CRAMP1: variants seen among roughly 807,000 people sequenced by gnomAD.
CRAMP1 encodes protein cramped-like.
A neutral mutation model predicts 115.4 loss-of-function variants in CRAMP1; 50 were observed. That is an observed-to-expected ratio of 0.43 (90% CI 0.35 to 0.55). The LOEUF is 0.55. Ranked by LOEUF, CRAMP1 falls within the 20% of genes least tolerant of loss-of-function variation. CRAMP1 has a pLI of 0.01. For missense variants in CRAMP1, 1,679 were observed against 1,721.7 expected, an observed-to-expected ratio of 0.98 and a Z score of 0.44; for synonymous variants, 866 against 745.4, an observed-to-expected ratio of 1.16 and a Z score of -2.64.
rs574984598 is a variant in CRAMP1, at chr16:1,666,558, T to C, written c.2994T>C (p.Ser998=). The C allele has an allele frequency of 1.2e-6, 2 of 1,613,980 alleles. No individual in the cohort carries two copies. The highest frequency in any genetic ancestry group is 1.7e-6 in the Non-Finnish European group (2 of 1,179,874). ...CGGGTGCCATCTCGGGGCAGGACTC[T>C]ACTGGAACTCACCAGGATGGAGACA... ...EVTGAISGQD[S]TGTHQDGDTL... The change falls in exon 16 of 21, where the codon TCT becomes TCC. Residue 998 remains serine (S), a synonymous_variant. Transcript: ENST00000397412. The surrounding 1 kb of genome is among the most constrained non-coding windows in gnomAD (Gnocchi z 5.0).
intron 4 of CRAMP1, among the ~76,000 whole-genome samples, chr16:1,633,001 C>A (rs2036558902): frequency 6.6e-6 from 1 of 152,228 alleles, no homozygotes; most frequent in African/African-American, 2.4e-5. Flanking sequence ...CGCACCTGTG[C>A]TGGGCCCTGC....
rs2036770798 is a variant in CRAMP1, at chr16:1,656,171, G to T, written c.1414G>T (p.Gly472Cys). 1.2e-6 allele frequency: 2 copies of T among 1,604,576 alleles called. No homozygotes were observed. Among genetic ancestry groups the T allele is most frequent in the East Asian group, 4.5e-5 (2 of 44,726 alleles). Residue 472 changes from glycine to cysteine, a missense_variant, in exon 10 of 21, where the codon GGT (glycine) becomes TGT (cysteine). Gly to Cys is a radical substitution (Grantham distance 159). Coordinates refer to ENST00000397412, the MANE Select transcript of CRAMP1 (RefSeq NM_020825.4). The surrounding 1 kb of genome is among the most constrained non-coding windows in gnomAD (Gnocchi z 5.6). ...KCPRSGAEGK[G>C]VGRPPPAADA... ...CCCGCGGAGCGGAGCTGAGGGCAAG[G>T]GTGTGGGGCGGCCCCCTCCTGCGGC...
chr16:1,657,773 C>T (rs138687004), intron 10 of CRAMP1, among the ~76,000 whole-genome samples: 44 of 152,252 alleles, frequency 2.9e-4, no homozygotes, highest in Non-Finnish European at 5.4e-4. Flanking sequence ...GCCCCAAGTC[C>T]GATAGGATCT....
intron 20 of CRAMP1, 37 bp downstream of exon 20, chr16:1,670,846 A>G: frequency 6.2e-7 from 1 of 1,606,708 alleles, no homozygotes; most frequent in East Asian, 2.2e-5. Context: ...CCTGACCACC[A>G]ACCCTCGTGC....
At position 1,666,334 on chromosome 16, in the gene CRAMP1, C is replaced by A; in HGVS notation, c.2858-88C>A. 7.5e-7 allele frequency: 1 copy of A among 1,326,204 alleles called. No individual in the cohort carries two copies. Among genetic ancestry groups the A allele is most frequent in the Non-Finnish European group, 1.1e-6 (1 of 948,782 alleles). 82.2% of individuals were successfully genotyped at this position (1,326,204 alleles called of 1,614,324 possible). ...TTGGCTCTTGCATTGACATGAGGTG[C>A]GAGGGAGAAGCTGTTCCCCGAGCCC... On this transcript the variant is annotated intron_variant, in intron 15 of 20. Coordinates refer to ENST00000397412, the MANE Select transcript of CRAMP1 (RefSeq NM_020825.4). The surrounding 1 kb of genome is among the most constrained non-coding windows in gnomAD (Gnocchi z 5.0).
intron 10 of CRAMP1, 115 bp from the exon 11 acceptor site, chr16:1,659,771 C>A: frequency 2.9e-6 from 3 of 1,032,252 alleles, no homozygotes; most frequent in Non-Finnish European, 4.4e-6. Flanking sequence ...CCTTTGCCGT[C>A]ATGACACTGT....
intron 19 of CRAMP1, among the ~76,000 whole-genome samples, chr16:1,670,313 G>A (rs916525819): frequency 8.9e-5 from 13 of 145,868 alleles, no homozygotes; most frequent in African/African-American, 3.3e-4. Context: ...ACTAGTCACA[G>A]AGAAGAAAGT....
At chr16:1,630,729 ATGTT>A (rs547261685) in intron 3 of CRAMP1, among the ~76,000 whole-genome samples, 51 of 152,198 alleles carry the variant, frequency 3.4e-4, no homozygotes, top group African/African-American at 1.1e-3. Context: ...TTTTGTTTGC[ATGTT>A]TTTTTGTCGT....
intron 3 of CRAMP1, among the ~76,000 whole-genome samples, chr16:1,630,190 C>T (rs1430625050): frequency 6.6e-6 from 1 of 152,134 alleles, no homozygotes; most frequent in Non-Finnish European, 1.5e-5. Flanking sequence ...GCTTTGTCAC[C>T]TAGGCTGGAG....
rs755456226 is a variant in CRAMP1 at position 1,614,691 on chromosome 16, C to G, written c.52C>G (p.Leu18Val). The change falls in exon 2 of 21, where the codon CTG (leucine) becomes GTG (valine). Residue 18 changes from leucine to valine, a missense_variant. By Grantham distance (32) the Leu-to-Val change is conservative. Transcript: ENST00000397412. This position sits in a 1 kb window ranked among gnomAD's most constrained non-coding sequence, Gnocchi z 4.4. Reference sequence around the variant, plus strand: ...CAGCGGGGAGGACGGGCTCAAGAAGCTGGGCAAGCGGGCGGCCGATGAGGA... The same window carrying G: ...CAGCGGGGAGGACGGGCTCAAGAAGGTGGGCAAGCGGGCGGCCGATGAGGA... Reference protein sequence around the residue: ...GGSGEDGLKKLGKRAADEESL... With the variant: ...GGSGEDGLKKVGKRAADEESL... 2 of 1,325,200 alleles carry G rather than the reference C, an allele frequency of 1.5e-6. No individual in the cohort carries two copies. The highest frequency in any genetic ancestry group is 1.9e-6 in the Non-Finnish European group (2 of 1,030,822). 82.1% of individuals were successfully genotyped at this position (1,325,200 alleles called of 1,614,324 possible).
chr16:1,640,126 C>T (rs752892548), intron 5 of CRAMP1, among the ~76,000 whole-genome samples: 1 of 152,194 alleles, frequency 6.6e-6, no homozygotes, highest in Non-Finnish European at 1.5e-5. Flanking sequence ...CCTGAAGTTC[C>T]GTTTCCATCT....
At position 1,652,479 on chromosome 16, in the gene CRAMP1, C is replaced by A. The variant is rs780122743; in HGVS notation, c.828-17C>A. 13 of 1,550,250 alleles carry A rather than the reference C, an allele frequency of 8.4e-6. No homozygotes were observed. Among genetic ancestry groups the A allele is most frequent in the Non-Finnish European group, 1.1e-5 (13 of 1,145,786 alleles). On this transcript the variant is annotated splice_polypyrimidine_tract_variant and intron_variant, in intron 6 of 20. Coordinates refer to ENST00000397412, the MANE Select transcript of CRAMP1 (RefSeq NM_020825.4). ...TCACTCACAGGCCTCAGCGTTCCTT[C>A]AAAACTCTTTTCCCAGGGCCACCAC...
intron 4 of CRAMP1, 22 bp downstream of exon 4, chr16:1,632,387 C>T (rs754949750): frequency 1.8e-5 from 28 of 1,567,634 alleles, no homozygotes; most frequent in South Asian, 4.7e-5. Context: ...ACGGGCCAGG[C>T]TCGGGGGTGC....
chr16:1,652,364 C>T lies in CRAMP1; in HGVS notation c.828-132C>T, dbSNP rs536362683. The T allele has an allele frequency of 1.4e-3, 984 of 680,904 alleles. 4 individuals carry two copies. The highest frequency in any genetic ancestry group is 2.1e-3 in the Non-Finnish European group (835 of 394,804). 42.2% of individuals were successfully genotyped at this position (680,904 alleles called of 1,614,324 possible). ...CACTGTGTCCTCCCACTGTCCTACG[C>T]GGGCTCGAGAGGCTGGGGTGGATGC... On this transcript the variant is annotated intron_variant, in intron 6 of 20. Transcript: ENST00000397412.
In CRAMP1 at chr16:1,656,441, C is replaced by T. The variant is rs757274453; in HGVS notation, c.1684C>T (p.Pro562Ser). The change falls in exon 10 of 21, where the codon CCC (proline) becomes TCC (serine). Residue 562 changes from proline (P) to serine (S), a missense_variant. Physicochemically the swap from Pro to Ser is moderately conservative, Grantham distance 74. Coordinates refer to ENST00000397412, the MANE Select transcript of CRAMP1 (RefSeq NM_020825.4). The surrounding 1 kb of genome is among the most constrained non-coding windows in gnomAD (Gnocchi z 5.6). ...CGAGCTCTCGCTTCTAGACCCCTTG[C>T]CCCGCTACCTAAAGTCCTGTCAGGA... ...EDELSLLDPL[P>S]RYLKSCQDLI... is the part of the protein sequence containing the mutation. 6.3e-7 allele frequency: 1 copy of T among 1,584,702 alleles called. No individual in the cohort carries two copies. The highest frequency in any genetic ancestry group is 8.6e-7 in the Non-Finnish European group (1 of 1,166,026).
Position 1,652,505 on chromosome 16 carries a change from T to C in CRAMP1, c.837T>C (p.Thr279=). Reference sequence around the variant, plus strand: ...AAAACTCTTTTCCCAGGGCCACCACTGTACGTTACAAAGGGCGGAACCTGC... The same window carrying C: ...AAAACTCTTTTCCCAGGGCCACCACCGTACGTTACAAAGGGCGGAACCTGC... The part of the protein sequence containing the change: ...LNELIQVGAT[T]VRYKGRNLRI... The change falls in exon 7 of 21, where the codon ACT becomes ACC. Residue 279 remains threonine, a synonymous_variant. Transcript: ENST00000397412. 6 of 1,552,118 alleles carry C rather than the reference T, an allele frequency of 3.9e-6. No individual in the cohort carries two copies. Among genetic ancestry groups the C allele is most frequent in the Non-Finnish European group, 5.2e-6 (6 of 1,147,148 alleles).
intron 2 of CRAMP1, among the ~76,000 whole-genome samples, chr16:1,621,607 T>C (rs935169291): frequency 5.3e-5 from 8 of 152,142 alleles, no homozygotes; most frequent in African/African-American, 1.9e-4. Flanking sequence ...CAGAGGGAGC[T>C]TGGGGAGGCC....
At chr16:1,636,302 C>T (rs1358711349) in intron 4 of CRAMP1, among the ~76,000 whole-genome samples, 1 of 151,140 alleles carries the variant, frequency 6.6e-6, no homozygotes, top group Non-Finnish European at 1.5e-5. Flanking sequence ...ACCTGGGAGG[C>T]GGAGGTTGCA....
intron 3 of CRAMP1, among the ~76,000 whole-genome samples, chr16:1,626,949 C>T (rs936312612): frequency 1.3e-5 from 2 of 152,174 alleles, no homozygotes; most frequent in African/African-American, 4.8e-5. Context: ...AAGAGCTGCA[C>T]CAGACAGGGT....
Sources: gnomAD v4.1 joint callset for allele counts (sites outside exome capture counted in the v4.1 genomes callset) on GRCh38, gnomAD v4.1.1 for gene constraint, Gnocchi (gnomAD v3.1) non-coding constraint, MANE v1.5 for transcripts, NCBI Gene and HGNC (gene_info 2026-07-23, HGNC 2026-07-21) for gene names.